Variants in SPAG5 observed in about 807,000 individuals in gnomAD.
SPAG5 encodes the protein sperm-associated antigen 5.
A neutral mutation model predicts 145.4 loss-of-function variants in SPAG5; 99 were observed. That is an observed-to-expected ratio of 0.68 (90% CI 0.58 to 0.80). SPAG5 has a LOEUF of 0.80. Ranked by LOEUF, SPAG5 falls within the 30% of genes least tolerant of loss-of-function variation. The probability of loss-of-function intolerance (pLI) is 0.00; values close to 1 mark genes in which losing one functional copy is unlikely to be tolerated. For missense variants in SPAG5, 1,192 were observed against 1,416.0 expected, an observed-to-expected ratio of 0.84 and a Z score of 2.54; for synonymous variants, 477 against 525.4, an observed-to-expected ratio of 0.91 and a Z score of 1.26.
At chr17:28,589,235 A>G (rs575104232) in intron 4 of SPAG5, among the ~76,000 whole-genome samples, 2 of 151,984 alleles carry the variant, frequency 1.3e-5, no homozygotes, top group Non-Finnish European at 2.9e-5. Flanking sequence ...AGTAGCTGGA[A>G]TTACAGGTGC....
At position 28,585,188 on chromosome 17, in the gene SPAG5, G is replaced by A. The variant is rs768379539; in HGVS notation, c.1981C>T (p.Arg661Trp). ...DYTTWTALLS[R>W]SRQLTEKLTV... ...AGTTTCTCTGTGAGTTGTCGGGACCGACTCAGCAAAGCTGTCCATGTTGTA... is the reference window on the plus strand; with the variant it reads ...AGTTTCTCTGTGAGTTGTCGGGACCAACTCAGCAAAGCTGTCCATGTTGTA... Residue 661 changes from arginine (R) to tryptophan (W), a missense_variant, in exon 10 of 24, where the codon CGG becomes TGG. Arg to Trp is a moderately radical substitution (Grantham distance 101, BLOSUM62 -3). Transcript: ENST00000321765. The A allele has an allele frequency of 6.2e-6, 10 of 1,614,008 alleles. No homozygotes were observed. The highest frequency in any genetic ancestry group is 2.2e-5 in the East Asian group (1 of 44,896).
At chr17:28,587,323 G>A (rs2070591991) in intron 4 of SPAG5, among the ~76,000 whole-genome samples, 1 of 151,756 alleles carries the variant, frequency 6.6e-6, no homozygotes, top group African/African-American at 2.4e-5. Context: ...AAGGCGGGCG[G>A]ATCACCTGAG....
At chr17:28,598,679 G>C (rs753979779) in intron 1 of SPAG5, 44 bp from the exon 2 acceptor site, 4 of 1,563,758 alleles carry the variant, frequency 2.6e-6, no homozygotes, top group Non-Finnish European at 2.6e-6. Context: ...AGGAAGCCTG[G>C]GTTCTGCCAG....
At chr17:28,589,608 A>G (rs998431927) in intron 4 of SPAG5, among the ~76,000 whole-genome samples, 5 of 151,940 alleles carry the variant, frequency 3.3e-5, no homozygotes, top group African/African-American at 2.4e-5. Context: ...ATATATTTTT[A>G]TGCTTTAAAG....
chr17:28,598,758 C>G (rs1046051292), intron 1 of SPAG5, 123 bp from the exon 2 acceptor site: 1 of 1,515,018 alleles, frequency 6.6e-7, no homozygotes, highest in Admixed American at 1.8e-5. Context: ...CCTAGTCGCG[C>G]AGGAGCAGCA....
intron 4 of SPAG5, among the ~76,000 whole-genome samples, chr17:28,591,313 G>A (rs2070619506): frequency 6.6e-6 from 1 of 152,138 alleles, no homozygotes; most frequent in African/African-American, 2.4e-5. Flanking sequence ...TAAGAGACAG[G>A]GTTTCACTGT....
intron 1 of SPAG5, 78 bp from the exon 2 acceptor site, chr17:28,598,713 A>C: frequency 6.5e-7 from 1 of 1,550,078 alleles, no homozygotes. Context: ...CCTCCCTAAG[A>C]AGCCCAAAAT....
In SPAG5 at chr17:28,592,691, C is replaced by T; in HGVS notation, c.553G>A (p.Val185Ile). The T allele has an allele frequency of 1.9e-6, 3 of 1,614,208 alleles. No individual in the cohort carries two copies. Among genetic ancestry groups the T allele is most frequent in the Non-Finnish European group, 2.5e-6 (3 of 1,180,040 alleles). ...APCMGDRFSE[V>I]AAVSEKPIFQ... ...ATAGGTTTCTCAGATACAGCAGCAA[C>T]TTCTGAAAACCTGTCTCCCATGCAG... The change falls in exon 3 of 24, where the codon GTT (valine) becomes ATT (isoleucine). Residue 185 changes from valine (V) to isoleucine (I), a missense_variant. Coordinates refer to ENST00000321765, the MANE Select transcript of SPAG5 (RefSeq NM_006461.4).
At position 28,578,660 on chromosome 17, in the gene SPAG5, T is replaced by C; in HGVS notation, c.3198+12A>G. The C allele has an allele frequency of 1.2e-6, 2 of 1,613,210 alleles. No individual in the cohort carries two copies. The highest frequency in any genetic ancestry group is 1.3e-5 in the African/African-American group (1 of 75,022). ...ACAGAAGGCAAAGGCCTGGGCATGA[T>C]GGTGAACATACTATGAGCTCGCCAC... On this transcript the variant is annotated intron_variant, in intron 20 of 23. Transcript: ENST00000321765.
chr17:28,598,659 G>A, intron 1 of SPAG5, 24 bp from the exon 2 acceptor site: 1 of 1,578,080 alleles, frequency 6.3e-7, no homozygotes, highest in African/African-American at 1.4e-5. Flanking sequence ...CAAGAAAGAG[G>A]GCGAGTGTGA....
At chr17:28,595,529 C>G (rs577254849) in intron 2 of SPAG5, among the ~76,000 whole-genome samples, 6 of 152,056 alleles carry the variant, frequency 3.9e-5, no homozygotes, top group Non-Finnish European at 8.8e-5. Flanking sequence ...GGGTGGATCA[C>G]TTGAGGTCAA....
chr17:28,579,589 G>C, intron 17 of SPAG5, 104 bp from the exon 18 acceptor site: 1 of 1,441,292 alleles, frequency 6.9e-7, no homozygotes, highest in South Asian at 1.2e-5. Flanking sequence ...CCACCCACAG[G>C]ATTTGAATGT....
chr17:28,592,725 C>T lies in SPAG5; in HGVS notation c.519G>A (p.Glu173=). 6.2e-7 allele frequency: 1 copy of T among 1,614,196 alleles called. No individual in the cohort carries two copies. The highest frequency in any genetic ancestry group is 8.5e-7 in the Non-Finnish European group (1 of 1,180,022). ...PLRTDDLVRE[E]VAPCMGDRFS... Reference sequence around the variant, plus strand: ...ACCTGTCTCCCATGCAGGGTGCCACCTCCTCTCTCACCAGATCGTCTGTTC... The same window carrying T: ...ACCTGTCTCCCATGCAGGGTGCCACTTCCTCTCTCACCAGATCGTCTGTTC... Residue 173 remains glutamate (E), a synonymous_variant, in exon 3 of 24, where the codon GAG becomes GAA. Transcript: ENST00000321765.
intron 4 of SPAG5, among the ~76,000 whole-genome samples, chr17:28,587,239 C>A (rs1187241104): frequency 5.5e-5 from 8 of 146,788 alleles, no homozygotes; most frequent in African/African-American, 2.1e-4. Context: ...CACAGTGAAA[C>A]CCCATCTCTA....
intron 19 of SPAG5, 88 bp from the exon 20 acceptor site, chr17:28,578,840 T>C: frequency 1.8e-6 from 2 of 1,086,164 alleles, no homozygotes; most frequent in East Asian, 2.3e-5. Context: ...GCCTGACCCA[T>C]GCTTAGCCCA....
Position 28,578,265 on chromosome 17 carries a change from C to T in SPAG5, c.3382G>A (p.Glu1128Lys). 1 of 1,614,176 alleles carries T rather than the reference C, an allele frequency of 6.2e-7. No homozygotes were observed. The highest frequency in any genetic ancestry group is 8.5e-7 in the Non-Finnish European group (1 of 1,180,030). Reference protein sequence around the residue: ...EVDKLRVMFLEMKNEKEKLMI... With the variant: ...EVDKLRVMFLKMKNEKEKLMI... Reference sequence around the variant, plus strand: ...AGTTTTTCCTTCTCATTTTTCATCTCCAGGAACATCACTCTCAGTTTGTCC... The same window carrying T: ...AGTTTTTCCTTCTCATTTTTCATCTTCAGGAACATCACTCTCAGTTTGTCC... Residue 1128 changes from glutamate to lysine, a missense_variant, in exon 22 of 24, where the codon GAG becomes AAG. Coordinates refer to ENST00000321765, the MANE Select transcript of SPAG5 (RefSeq NM_006461.4).
intron 2 of SPAG5, among the ~76,000 whole-genome samples, chr17:28,597,557 G>C (rs939717892): frequency 6.6e-5 from 10 of 152,198 alleles, no homozygotes; most frequent in African/African-American, 2.2e-4. Context: ...TGGACAGTAG[G>C]TATTTTGCAA....
intron 4 of SPAG5, among the ~76,000 whole-genome samples, chr17:28,588,964 G>T (rs1435463138): frequency 6.6e-6 from 1 of 152,014 alleles, no homozygotes; most frequent in African/African-American, 2.4e-5. Context: ...TTATAAGCGT[G>T]AGCCACCACA....
rs770664889 is a variant in SPAG5, at chr17:28,578,476, G to A, written c.3251C>T (p.Thr1084Ile). 5 of 1,613,248 alleles carry A rather than the reference G, an allele frequency of 3.1e-6. No homozygotes were observed. The highest frequency in any genetic ancestry group is 3.4e-6 in the Non-Finnish European group (4 of 1,180,038). Residue 1084 changes from threonine (T) to isoleucine (I), a missense_variant, in exon 21 of 24, where the codon ACA (threonine) becomes ATA (isoleucine). By Grantham distance (89) the Thr-to-Ile change is moderately conservative (BLOSUM62 -1). This residue lies in a region of SPAG5 where 709 missense variants were observed against 840.7 expected (regional missense o/e 0.84). Transcript: ENST00000321765. Reference sequence around the variant, plus strand: ...GGCCTCCTGGAGCACTTTGGTCTCTGTCTCCGCACGCCGAAGTGAGCGGGT... The same window carrying A: ...GGCCTCCTGGAGCACTTTGGTCTCTATCTCCGCACGCCGAAGTGAGCGGGT... Reference protein sequence around the residue: ...HLTRSLRRAETETKVLQEALA... With the variant: ...HLTRSLRRAEIETKVLQEALA...
Sources: gnomAD v4.1 joint callset for allele counts (sites outside exome capture counted in the v4.1 genomes callset) on GRCh38, gnomAD v4.1.1 for gene constraint, gnomAD v4.1.1 regional missense constraint, MANE v1.5 for transcripts, NCBI Gene and HGNC (gene_info 2026-07-23, HGNC 2026-07-21) for gene names.